ZNF609: variants seen among roughly 807,000 people sequenced by gnomAD.
The protein encoded by ZNF609 is zinc finger protein 609.
ZNF609 carries 11 observed loss-of-function variants against 109.5 expected under a neutral mutation model. The ratio of observed to expected loss-of-function variants is 0.10; its 90% CI spans 0.06 to 0.17. The LOEUF is 0.17. Among genes scored for constraint, ZNF609 ranks in the 10% least tolerant of loss-of-function variants. The probability of loss-of-function intolerance (pLI) is 1.00; values close to 1 mark genes in which losing one functional copy is unlikely to be tolerated. For synonymous variants in ZNF609, 646 were observed against 662.0 expected, an observed-to-expected ratio of 0.98 and a Z score of 0.37; for missense variants, 1,559 against 1,772.4, an observed-to-expected ratio of 0.88 and a Z score of 2.16.
chr15:64,561,910 G>GT (rs1894687610), intron 2 of ZNF609, among the ~76,000 whole-genome samples: 3 of 152,154 alleles, frequency 2.0e-5, no homozygotes, highest in Admixed American at 1.3e-4. Flanking sequence ...AGTACATGAT[G>GT]TTTTGTTAAG....
At chr15:64,592,501 C>A (rs566891015) in intron 2 of ZNF609, among the ~76,000 whole-genome samples, 1 of 152,274 alleles carries the variant, frequency 6.6e-6, no homozygotes, top group East Asian at 1.9e-4. Context: ...TTGCTTCAAC[C>A]CAGAAGGTGG....
Position 64,609,064 on chromosome 15 carries a change from T to TTTTCTTTCTTTCTTTCTTTC in ZNF609, c.748-13715_748-13696dup, listed in dbSNP as rs3057833. ...GTTACTTGCATGTTTTAGTTTTAAT[T>TTTTCTTTCTTTCTTTCTTTC]TTTCTTTCTTTCTTTCTTTCTTTCT... is the stretch of plus-strand genomic sequence containing the variant. On this transcript the variant is annotated intron_variant, in intron 2 of 9. Transcript: ENST00000326648. 4.9e-4 allele frequency among the ~76,000 whole-genome samples: 58 copies of TTTTCTTTCTTTCTTTCTTTC among 119,126 alleles called. 1 individual carries two copies. The highest frequency in any genetic ancestry group is 4.2e-3 in the Middle Eastern group (1 of 236). 78.2% of individuals were successfully genotyped at this position (119,126 alleles called of 152,430 possible).
chr15:64,600,449 CAAAAAAAAAAAA>C (rs60948226), intron 2 of ZNF609, among the ~76,000 whole-genome samples: 3 of 53,822 alleles, frequency 5.6e-5, no homozygotes, highest in African/African-American at 2.0e-4. Context: ...GGCTGTGTCT[CAAAAAAAAAAAA>C]AAAAAGAAAA....
intron 3 of ZNF609, among the ~76,000 whole-genome samples, chr15:64,636,912 T>G (rs140391075): frequency 1.3e-5 from 2 of 152,236 alleles, no homozygotes; most frequent in Non-Finnish European, 2.9e-5. Flanking sequence ...TATTAATAAG[T>G]CTTACTGAAA....
At position 64,597,712 on chromosome 15, in the gene ZNF609, A is replaced by G. The variant is rs1258827766; in HGVS notation, c.748-25115A>G. On this transcript the variant is annotated intron_variant, in intron 2 of 9. Coordinates refer to ENST00000326648, the MANE Select transcript of ZNF609 (RefSeq NM_015042.2). ...ATGCTGCTTGGTTCTAGACAACCAG[A>G]ATCAAATGAATACAGGCTATCTTTA... Among the ~76,000 whole-genome samples, 4 of 152,174 alleles carry G rather than the reference A, an allele frequency of 2.6e-5. No homozygotes were observed. The East Asian group carries it at 7.7e-4, about 29-fold the overall frequency.
chr15:64,524,178 A>G (rs767394076), intron 2 of ZNF609, among the ~76,000 whole-genome samples: 1 of 152,162 alleles, frequency 6.6e-6, no homozygotes, highest in East Asian at 1.9e-4. Flanking sequence ...GAAACCCTGT[A>G]CCCATCAGCA....
At chr15:64,475,073 C>G (rs1048768492) in intron 1 of ZNF609, among the ~76,000 whole-genome samples, 1 of 147,078 alleles carries the variant, frequency 6.8e-6, no homozygotes, top group African/African-American at 2.5e-5. Flanking sequence ...GATTACAGGC[C>G]TGTGCTAGCA....
chr15:64,468,959 T>G (rs1437754066), intron 1 of ZNF609, among the ~76,000 whole-genome samples: 2 of 146,558 alleles, frequency 1.4e-5, no homozygotes, highest in Non-Finnish European at 3.0e-5. Context: ...TCCTAGCACT[T>G]TGGGAGGCTG....
rs889184379 is a variant in ZNF609 at position 64,481,319 on chromosome 15, C to CTT, written c.-127-17957_-127-17956dup. On this transcript the variant is annotated intron_variant, in intron 1 of 9. Coordinates refer to ENST00000326648, the MANE Select transcript of ZNF609 (RefSeq NM_015042.2). ...GAGAAGAAAGGCATCTTTCTTTTTT[C>CTT]TTTTTTTTTTTTTTTTTTGAGACGG... Among the ~76,000 whole-genome samples the CTT allele has an allele frequency of 6.1e-4, 77 of 127,262 alleles. 1 individual carries two copies. The highest frequency in any genetic ancestry group is 2.0e-3 in the African/African-American group (67 of 33,064). The allele number at this position is 127,262 out of a possible 152,430, so 83.5% of individuals were successfully genotyped here. A position where few individuals can be genotyped will look rare whatever the true frequency, so the allele number is the denominator to read the frequency against.
intron 1 of ZNF609, among the ~76,000 whole-genome samples, chr15:64,485,497 G>A (rs1566995504): frequency 1.3e-5 from 2 of 152,128 alleles, no homozygotes; most frequent in African/African-American, 2.4e-5. Context: ...AGAGTCTTAC[G>A]CAGTTGTAAG....
intron 3 of ZNF609, among the ~76,000 whole-genome samples, chr15:64,645,008 T>TCTTTCTTTCTTTCTTCCTTCCTTCCTTC (rs1311156425): frequency 7.1e-5 from 10 of 140,148 alleles, no homozygotes; most frequent in African/African-American, 2.6e-4. Flanking sequence ...TTTCTTTCTT[T>TCTTTCTTTCTTTCTTCCTTCCTTCCTTC]CTTCCTTCCT....
chr15:64,617,714 A>G (rs901459200), intron 2 of ZNF609, among the ~76,000 whole-genome samples: 3 of 152,108 alleles, frequency 2.0e-5, no homozygotes, highest in Admixed American at 1.3e-4. Flanking sequence ...TGGAAGGCAG[A>G]GGTTGTAGTG....
chr15:64,583,953 T>C (rs892275780), intron 2 of ZNF609, among the ~76,000 whole-genome samples: 3 of 152,224 alleles, frequency 2.0e-5, no homozygotes, highest in Non-Finnish European at 4.4e-5. Flanking sequence ...GGTTTCATCT[T>C]TTTTTGGTCT....
At chr15:64,460,094 T>C (rs1892915096), upstream of ZNF609, among the ~76,000 whole-genome samples, 1 of 152,014 alleles carries the variant, frequency 6.6e-6, no homozygotes, top group African/African-American at 2.4e-5. Flanking sequence ...GGTTGGTACT[T>C]TGCTGAACTA....
chr15:64,658,778 C>G (rs1896528325), intron 3 of ZNF609, among the ~76,000 whole-genome samples: 1 of 146,130 alleles, frequency 6.8e-6, no homozygotes, highest in Non-Finnish European at 1.5e-5. Flanking sequence ...GCCTGGATGA[C>G]AAAGATCCTG....
At chr15:64,468,088 C>T (rs944858207) in intron 1 of ZNF609, among the ~76,000 whole-genome samples, 1 of 151,486 alleles carries the variant, frequency 6.6e-6, no homozygotes, top group Non-Finnish European at 1.5e-5. Context: ...ACGATCACAG[C>T]TCACTGCAGG....
chr15:64,653,178 T>C (rs1376915999), intron 3 of ZNF609, among the ~76,000 whole-genome samples: 2 of 152,196 alleles, frequency 1.3e-5, no homozygotes, highest in Non-Finnish European at 2.9e-5. Flanking sequence ...TTTAAAACCA[T>C]TTCTGGAGAC....
At chr15:64,632,970 G>C (rs907982456) in intron 3 of ZNF609, among the ~76,000 whole-genome samples, 2 of 151,220 alleles carry the variant, frequency 1.3e-5, no homozygotes, top group African/African-American at 4.9e-5. Flanking sequence ...TTTTTGTAGA[G>C]ATGGGGTCTC....
intron 2 of ZNF609, among the ~76,000 whole-genome samples, chr15:64,579,160 A>G (rs1895051252): frequency 6.6e-6 from 1 of 151,988 alleles, no homozygotes; most frequent in African/African-American, 2.4e-5. Flanking sequence ...TTTTGTGTTA[A>G]ATAGATATGT....
Sources: gnomAD v4.1 joint callset for allele counts (sites outside exome capture counted in the v4.1 genomes callset) on GRCh38, gnomAD v4.1.1 for gene constraint, MANE v1.5 for transcripts, NCBI Gene and HGNC (gene_info 2026-07-23, HGNC 2026-07-21) for gene names.